The following ZNF385D variants were observed in gnomAD, a reference collection of about 807,000 sequenced individuals.
ZNF385D encodes zinc finger protein 385D, also known as zinc finger protein 659.
In ZNF385D, 15 loss-of-function variants were observed where a neutral mutation model predicts 35.8. The observed-to-expected ratio is 0.42, with a 90% CI of 0.28 to 0.64. The LOEUF is 0.64. Ranked by LOEUF, ZNF385D falls within the 30% of genes least tolerant of loss-of-function variation. The pLI, the probability that ZNF385D is intolerant of heterozygous loss-of-function variation, is 0.23. For synonymous variants in ZNF385D, 212 were observed against 186.8 expected, an observed-to-expected ratio of 1.13 and a Z score of -1.10; for missense variants, 474 against 494.6, an observed-to-expected ratio of 0.96 and a Z score of 0.39.
intron 1 of ZNF385D, among the ~76,000 whole-genome samples, chr3:21,743,367 G>A (rs927130778): frequency 6.6e-6 from 1 of 152,190 alleles, no homozygotes; most frequent in African/African-American, 2.4e-5. Context: ...AGACACTAGA[G>A]GAACTGAGGC....
intron 3 of ZNF385D, among the ~76,000 whole-genome samples, chr3:21,966,710 T>C (rs922410492): frequency 1.3e-5 from 2 of 152,174 alleles, no homozygotes; most frequent in African/African-American, 4.8e-5. Context: ...GCCTCTGGAA[T>C]AGCTGGGATT....
At chr3:21,902,362 T>C (rs962378934) in intron 3 of ZNF385D, among the ~76,000 whole-genome samples, 3 of 152,144 alleles carry the variant, frequency 2.0e-5, no homozygotes, top group Non-Finnish European at 2.9e-5. Flanking sequence ...GCTTCATTTG[T>C]TCTAGTTCCT....
chr3:22,255,601 C>G (rs948467966), intron 2 of ZNF385D, among the ~76,000 whole-genome samples: 5 of 151,444 alleles, frequency 3.3e-5, no homozygotes, highest in Non-Finnish European at 7.4e-5. Flanking sequence ...AAAGGGTGGC[C>G]TCTATTATAT....
intron 3 of ZNF385D, among the ~76,000 whole-genome samples, chr3:21,834,707 A>C (rs1160080214): frequency 6.6e-6 from 1 of 152,058 alleles, no homozygotes; most frequent in Non-Finnish European, 1.5e-5. Context: ...CTGTGTCCCC[A>C]CCCAAATCTC....
At chr3:21,545,971 A>G (rs2062356450) in intron 3 of ZNF385D, among the ~76,000 whole-genome samples, 1 of 152,222 alleles carries the variant, frequency 6.6e-6, no homozygotes, top group Non-Finnish European at 1.5e-5. Context: ...ATCAAAGCCA[A>G]TACAAAAGGC....
chr3:21,864,108 GT>G (rs1289945653), intron 3 of ZNF385D, among the ~76,000 whole-genome samples: 1 of 151,980 alleles, frequency 6.6e-6, no homozygotes, highest in Non-Finnish European at 1.5e-5. Flanking sequence ...TGTGTATTCA[GT>G]TTGTTTTTGT....
chr3:21,714,937 T>C (rs1321100475), intron 1 of ZNF385D, among the ~76,000 whole-genome samples: 1 of 152,188 alleles, frequency 6.6e-6, no homozygotes, highest in Non-Finnish European at 1.5e-5. Context: ...CTCACATAGT[T>C]ACCCTCTGCC....
At chr3:21,558,251 T>C (rs7616732) in intron 3 of ZNF385D, among the ~76,000 whole-genome samples, 102,231 of 151,732 alleles carry the variant, frequency 0.67, 35,276 homozygotes, top group African/African-American at 0.84. Flanking sequence ...GATGTTAGGG[T>C]GTCGATTTTA....
Position 22,092,094 on chromosome 3 carries a change from G to A in ZNF385D, c.325+76723C>T, listed in dbSNP as rs536829634. ...AAAGTTCAAGATTGAATAGAAGAGT[G>A]AATATGGAAACTGAGTAACCAAAGG... On this transcript the variant is annotated intron_variant, in intron 3 of 5. Transcript: ENST00000494108. 1.1e-4 allele frequency among the ~76,000 whole-genome samples: 16 copies of A among 152,288 alleles called. 1 individual carries two copies. In the South Asian group the frequency reaches 3.3e-3, roughly 32 times the overall value.
intron 2 of ZNF385D, among the ~76,000 whole-genome samples, chr3:21,603,960 T>G (rs1017191452): frequency 6.6e-6 from 1 of 152,126 alleles, no homozygotes. Context: ...GCTGAGGCAG[T>G]GAAAAGCCCC....
chr3:21,793,336 T>G (rs1397734690), intron 3 of ZNF385D, among the ~76,000 whole-genome samples: 1 of 152,208 alleles, frequency 6.6e-6, no homozygotes, highest in African/African-American at 2.4e-5. Context: ...AAGGAAATAT[T>G]TTATAAACCA....
chr3:22,043,829 C>A (rs1033104333), intron 3 of ZNF385D, among the ~76,000 whole-genome samples: 14 of 152,120 alleles, frequency 9.2e-5, no homozygotes, highest in Non-Finnish European at 1.9e-4. Flanking sequence ...TGCTTGCTCT[C>A]TCTCTGACTC....
At chr3:21,874,343 G>A (rs1331736679) in intron 3 of ZNF385D, among the ~76,000 whole-genome samples, 1 of 151,770 alleles carries the variant, frequency 6.6e-6, no homozygotes, top group Non-Finnish European at 1.5e-5. Flanking sequence ...TTCTTAACCA[G>A]GTTATTTGTT....
At chr3:22,093,871 C>T (rs1276627798) in intron 3 of ZNF385D, among the ~76,000 whole-genome samples, 1 of 152,034 alleles carries the variant, frequency 6.6e-6, no homozygotes, top group African/African-American at 2.4e-5. Flanking sequence ...ATACAGTAAA[C>T]GTTAAGCTCG....
At chr3:22,178,551 T>C (rs1236206927) in intron 2 of ZNF385D, among the ~76,000 whole-genome samples, 2 of 152,300 alleles carry the variant, frequency 1.3e-5, no homozygotes, top group South Asian at 2.1e-4. Context: ...ACTCTGATGG[T>C]AGTTTCTTTT....
At chr3:22,186,011 A>G (rs993710778) in intron 2 of ZNF385D, among the ~76,000 whole-genome samples, 1 of 152,136 alleles carries the variant, frequency 6.6e-6, no homozygotes, top group Non-Finnish European at 1.5e-5. Context: ...TTTTAATAAT[A>G]TTTTACTAAA....
At chr3:22,000,716 T>A (rs908644806) in intron 3 of ZNF385D, among the ~76,000 whole-genome samples, 10 of 151,652 alleles carry the variant, frequency 6.6e-5, no homozygotes, top group Non-Finnish European at 1.2e-4. Flanking sequence ...AGCAGAAACC[T>A]TACAGGCCAG....
intron 3 of ZNF385D, among the ~76,000 whole-genome samples, chr3:21,547,135 T>A (rs906042494): frequency 7.9e-5 from 12 of 152,132 alleles, no homozygotes; most frequent in Admixed American, 7.9e-4. Context: ...TTCACTGATA[T>A]GTAATTGTGT....
chr3:21,684,705 A>G (rs1273002640), intron 1 of ZNF385D, among the ~76,000 whole-genome samples: 1 of 152,180 alleles, frequency 6.6e-6, no homozygotes, highest in Admixed American at 6.6e-5. Flanking sequence ...TAATAAGCAC[A>G]CATTTGCAAG....
Sources: allele counts gnomAD v4.1 joint callset (sites outside exome capture counted in the v4.1 genomes callset), GRCh38; gene constraint gnomAD v4.1.1; transcripts MANE v1.5; gene names NCBI Gene and HGNC (gene_info 2026-07-23, HGNC 2026-07-21).